Variants in TANC2 observed in about 807,000 individuals in gnomAD.
The protein encoded by TANC2 is protein TANC2.
TANC2 carries 26 observed loss-of-function variants against 210.5 expected under a neutral mutation model. That is an observed-to-expected ratio of 0.12 (90% CI 0.09 to 0.17). The LOEUF (loss-of-function observed/expected upper bound fraction) is 0.17. TANC2 is among the 10% of genes least tolerant of loss of function. The probability of loss-of-function intolerance (pLI) is 1.00; values close to 1 mark genes in which losing one functional copy is unlikely to be tolerated. For synonymous variants in TANC2, 931 were observed against 967.1 expected (o/e 0.96, Z 0.69); for missense variants, 2,129 against 2,608.9 (o/e 0.82, Z 4.01).
chr17:63,085,493 A>T (rs1400900769), intron 3 of TANC2, among the ~76,000 whole-genome samples: 2 of 151,674 alleles, frequency 1.3e-5, no homozygotes, highest in African/African-American at 4.8e-5. Context: ...CACCTTTTTT[A>T]GTGGCTGCCT....
intron 7 of TANC2, among the ~76,000 whole-genome samples, chr17:63,215,367 G>C (rs2041997793): frequency 6.6e-6 from 1 of 152,070 alleles, no homozygotes; most frequent in Non-Finnish European, 1.5e-5. Flanking sequence ...TTTGTCCCTG[G>C]TTCCTGACAC....
intron 6 of TANC2, among the ~76,000 whole-genome samples, chr17:63,195,614 T>C (rs1380413534): frequency 1.3e-5 from 2 of 152,154 alleles, no homozygotes; most frequent in Admixed American, 6.5e-5. Context: ...CCTCTGCCCC[T>C]AGAACATTAC....
Position 63,107,108 on chromosome 17 carries a change from G to C in TANC2, c.322+7751G>C, listed in dbSNP as rs918576328. 2.0e-5 allele frequency among the ~76,000 whole-genome samples: 3 copies of C among 151,490 alleles called. No homozygotes were observed. The South Asian group carries it at 6.2e-4, about 31-fold the overall frequency. On this transcript the variant is annotated intron_variant, in intron 4 of 27. Coordinates refer to ENST00000689528, the Ensembl canonical transcript of TANC2. The stretch of plus-strand genomic sequence containing the variant: ...CAGGTTAGATGATTTGCAAGGTTAT[G>C]ATGAAAATTGGAATGGAAGAAAAAC...
chr17:63,132,571 C>G (rs1221034310), intron 4 of TANC2, among the ~76,000 whole-genome samples: 1 of 152,140 alleles, frequency 6.6e-6, no homozygotes, highest in Non-Finnish European at 1.5e-5. Flanking sequence ...GGTTTACTTT[C>G]CACCAGAGCT....
intron 12 of TANC2, among the ~76,000 whole-genome samples, chr17:63,343,725 A>G (rs2046312291): frequency 6.6e-6 from 1 of 152,040 alleles, no homozygotes; most frequent in Admixed American, 6.5e-5. Flanking sequence ...GCAACATAGC[A>G]AGTACCCATC....
chr17:63,227,922 G>A (rs2042370760), intron 7 of TANC2, among the ~76,000 whole-genome samples: 1 of 152,032 alleles, frequency 6.6e-6, no homozygotes, highest in African/African-American at 2.4e-5. Flanking sequence ...GGAGTGCAGT[G>A]CTGCAATCTC....
At chr17:63,264,754 T>TA (rs1203406102) in intron 8 of TANC2, among the ~76,000 whole-genome samples, 1 of 152,054 alleles carries the variant, frequency 6.6e-6, no homozygotes, top group Non-Finnish European at 1.5e-5. Flanking sequence ...AAGAAGTCAT[T>TA]ACCAGCCTGG....
rs151057288 is a variant in TANC2, at chr17:63,358,146, T to G, written c.2582+2756T>G. Reference sequence around the variant, plus strand: ...CCTGAGCTGAAAAGAGTCAGTAATCTGAGAATGGTGCTGGAAGCAGGAAAT... The same window carrying G: ...CCTGAGCTGAAAAGAGTCAGTAATCGGAGAATGGTGCTGGAAGCAGGAAAT... On this transcript the variant is annotated intron_variant, in intron 14 of 27. Coordinates refer to ENST00000689528, the Ensembl canonical transcript of TANC2. Among the ~76,000 whole-genome samples the G allele has an allele frequency of 7.8e-3, 1,181 of 152,300 alleles. 6 individuals are homozygous for G. Among genetic ancestry groups the G allele is most frequent in the Non-Finnish European group, 0.012 (817 of 68,024 alleles).
At chr17:63,328,938 A>T (rs2045745833) in intron 11 of TANC2, among the ~76,000 whole-genome samples, 1 of 152,180 alleles carries the variant, frequency 6.6e-6, no homozygotes, top group South Asian at 2.1e-4. Flanking sequence ...ATAATAATTT[A>T]AAAATCTACC....
At chr17:62,994,431 C>T (rs1315626677) in intron 1 of TANC2, among the ~76,000 whole-genome samples, 4 of 148,828 alleles carry the variant, frequency 2.7e-5, no homozygotes, top group Admixed American at 2.0e-4. Flanking sequence ...TTTTTCTTGT[C>T]CAACTTAGGA....
intron 8 of TANC2, among the ~76,000 whole-genome samples, chr17:63,256,193 C>G (rs1238714576): frequency 6.6e-6 from 1 of 152,162 alleles, no homozygotes; most frequent in East Asian, 1.9e-4. Context: ...CAGGCATGAG[C>G]CACTGCTCCT....
At chr17:63,319,368 G>A (rs923242444) in intron 11 of TANC2, among the ~76,000 whole-genome samples, 2 of 152,100 alleles carry the variant, frequency 1.3e-5, no homozygotes, top group African/African-American at 2.4e-5. Flanking sequence ...GTTTTGAGAC[G>A]GAGTTTCTCT....
intron 1 of TANC2, among the ~76,000 whole-genome samples, chr17:63,007,425 A>G (rs1051779789): frequency 4.6e-5 from 7 of 152,144 alleles, no homozygotes; most frequent in African/African-American, 1.4e-4. Flanking sequence ...CTATGTTTAT[A>G]GTCTTCTACT....
chr17:63,082,163 T>A (rs1320446272), intron 3 of TANC2, among the ~76,000 whole-genome samples: 1 of 152,104 alleles, frequency 6.6e-6, no homozygotes, highest in African/African-American at 2.4e-5. Context: ...AGAGCGAGAC[T>A]CCATCTCAAA....
rs534654184 is a variant in TANC2 at position 63,050,305 on chromosome 17, C to T, written c.68-23638C>T. Among the ~76,000 whole-genome samples the T allele has an allele frequency of 6.6e-5, 10 of 150,618 alleles. No homozygotes were observed. In the South Asian group the frequency reaches 1.5e-3, roughly 22 times the overall value. On this transcript the variant is annotated intron_variant, in intron 2 of 27. Transcript: ENST00000689528. ...CTGGAAAATTGAGGCTTCAGTGAGC[C>T]GTGATCATGCCCCAGCACTTCAGCC...
At chr17:63,231,199 AG>A (rs1390835556) in intron 7 of TANC2, among the ~76,000 whole-genome samples, 1 of 151,950 alleles carries the variant, frequency 6.6e-6, no homozygotes, top group Non-Finnish European at 1.5e-5. Context: ...CAGCATACCA[AG>A]GGGTCTTTAC....
chr17:63,118,031 A>C lies in TANC2; in HGVS notation c.322+18674A>C, dbSNP rs571757896. Reference sequence around the variant, plus strand: ...TTGCAGAGAAGCCTGTTAAAAACTCAATTTTTCAATGTAAATGTGAAGGTT... The same window carrying C: ...TTGCAGAGAAGCCTGTTAAAAACTCCATTTTTCAATGTAAATGTGAAGGTT... On this transcript the variant is annotated intron_variant, in intron 4 of 27. Coordinates refer to ENST00000689528, the Ensembl canonical transcript of TANC2. 2.6e-5 allele frequency among the ~76,000 whole-genome samples: 4 copies of C among 152,320 alleles called. No homozygotes were observed. In the East Asian group the frequency reaches 5.8e-4, roughly 22 times the overall value.
intron 4 of TANC2, among the ~76,000 whole-genome samples, chr17:63,122,679 C>G (rs139559524): frequency 3.9e-5 from 6 of 152,118 alleles, no homozygotes; most frequent in African/African-American, 1.4e-4. Flanking sequence ...TTATAGTGAG[C>G]CGAGATCACA....
chr17:63,321,370 G>A (rs565772198), intron 11 of TANC2, among the ~76,000 whole-genome samples: 2 of 152,158 alleles, frequency 1.3e-5, no homozygotes, highest in South Asian at 2.1e-4. Context: ...GTTTTAATGT[G>A]TAACAGTTCT....
Sources: gnomAD v4.1 joint callset for allele counts (sites outside exome capture counted in the v4.1 genomes callset) on GRCh38, gnomAD v4.1.1 for gene constraint, MANE v1.5 for transcripts, NCBI Gene and HGNC (gene_info 2026-07-23, HGNC 2026-07-21) for gene names.